RSU1: variants seen among roughly 807,000 people sequenced by gnomAD.
RSU1 encodes the protein rsu-1.
Under a neutral mutation model 31.1 loss-of-function variants are expected in RSU1, and 26 were observed. The ratio of observed to expected loss-of-function variants is 0.84; its 90% CI spans 0.61 to 1.16. The LOEUF (loss-of-function observed/expected upper bound fraction) is 1.16. Ranked by LOEUF, RSU1 falls within the 50% of genes most tolerant of loss-of-function variation. The pLI is 0.00. For synonymous variants in RSU1, 164 were observed against 136.3 expected (o/e 1.20, Z -1.41); for missense variants, 320 against 339.1 (o/e 0.94, Z 0.44).
At chr10:16,609,190 C>A (rs1206641093) in intron 8 of RSU1, among the ~76,000 whole-genome samples, 1 of 152,126 alleles carries the variant, frequency 6.6e-6, no homozygotes, top group Non-Finnish European at 1.5e-5. Flanking sequence ...GTATGGTCTG[C>A]AAGTGCAAAA....
Position 16,734,094 on chromosome 10 carries a change from G to T in RSU1, c.598+18445C>A, listed in dbSNP as rs1836577007. Among the ~76,000 whole-genome samples, 3 of 152,206 alleles carry T rather than the reference G, an allele frequency of 2.0e-5. No individual in the cohort carries two copies. The South Asian group carries it at 6.2e-4, about 32-fold the overall frequency. ...CGGAACACACAAAGTGACAGATTTAGTGTTTCATTGGCAATTTATATAACT... is the reference window on the plus strand; with the variant it reads ...CGGAACACACAAAGTGACAGATTTATTGTTTCATTGGCAATTTATATAACT... On this transcript the variant is annotated intron_variant, in intron 7 of 8. Coordinates refer to ENST00000345264, the MANE Select transcript of RSU1 (RefSeq NM_012425.4).
At chr10:16,722,440 C>G (rs913072332) in intron 7 of RSU1, among the ~76,000 whole-genome samples, 5 of 152,094 alleles carry the variant, frequency 3.3e-5, no homozygotes, top group African/African-American at 1.2e-4. Context: ...GTGTCATCGA[C>G]CTAAGCACAG....
chr10:16,610,308 T>C (rs1307506162), intron 8 of RSU1, among the ~76,000 whole-genome samples: 1 of 152,202 alleles, frequency 6.6e-6, no homozygotes, highest in Non-Finnish European at 1.5e-5. Context: ...ATGGTGGAGT[T>C]GAGCCACCTT....
intron 2 of RSU1, among the ~76,000 whole-genome samples, chr10:16,815,387 T>C (rs565798250): frequency 1.3e-5 from 2 of 152,296 alleles, no homozygotes; most frequent in African/African-American, 4.8e-5. Context: ...TTTCGAACCG[T>C]GAAAACCGTG....
chr10:16,674,433 A>G (rs12780474), intron 8 of RSU1, among the ~76,000 whole-genome samples: 2 of 150,868 alleles, frequency 1.3e-5, no homozygotes, highest in African/African-American at 4.9e-5. Context: ...CTCTAACAGA[A>G]ATGTTTACAC....
rs535835726 is a variant in RSU1, at chr10:16,749,678, G to A, written c.598+2861C>T. On this transcript the variant is annotated intron_variant, in intron 7 of 8. Transcript: ENST00000345264. ...ATGTTTACTGAGGGGAAAGAGACACGGGGACAACGCAACTGGCTTGGAAAG... is the reference window on the plus strand; with the variant it reads ...ATGTTTACTGAGGGGAAAGAGACACAGGGACAACGCAACTGGCTTGGAAAG... 1.4e-4 allele frequency among the ~76,000 whole-genome samples: 22 copies of A among 152,246 alleles called. No individual in the cohort carries two copies. The South Asian group carries it at 4.2e-3, about 29-fold the overall frequency.
chr10:16,740,723 CA>C (rs1836733092), intron 7 of RSU1, among the ~76,000 whole-genome samples: 1 of 152,012 alleles, frequency 6.6e-6, no homozygotes, highest in African/African-American at 2.4e-5. Context: ...ATAATAGCAA[CA>C]AAAGTAATAA....
chr10:16,693,493 A>ATT (rs1835607255), intron 8 of RSU1, among the ~76,000 whole-genome samples: 1 of 151,848 alleles, frequency 6.6e-6, no homozygotes, highest in Admixed American at 6.6e-5. Context: ...AAAAAAAAAG[A>ATT]AAAGAAACTC....
intron 2 of RSU1, among the ~76,000 whole-genome samples, chr10:16,805,601 G>A (rs1838250076): frequency 6.7e-6 from 1 of 149,560 alleles, no homozygotes; most frequent in Non-Finnish European, 1.5e-5. Flanking sequence ...GCGTGAACCC[G>A]GGAGGCGGAG....
intron 7 of RSU1, among the ~76,000 whole-genome samples, chr10:16,698,621 C>A (rs1055416268): frequency 6.6e-6 from 1 of 152,152 alleles, no homozygotes; most frequent in Admixed American, 6.5e-5. Context: ...ATCTGTCAAT[C>A]CCAAGTGATG....
At chr10:16,718,304 C>CA (rs1836184897) in intron 7 of RSU1, among the ~76,000 whole-genome samples, 3 of 151,816 alleles carry the variant, frequency 2.0e-5, no homozygotes, top group Admixed American at 1.3e-4. Context: ...AAATTGACAT[C>CA]AAAAAAGGGT....
At chr10:16,710,433 T>C (rs1333597511) in intron 7 of RSU1, among the ~76,000 whole-genome samples, 6 of 152,196 alleles carry the variant, frequency 3.9e-5, no homozygotes, top group Non-Finnish European at 5.9e-5. Context: ...TTTCTGCATC[T>C]ATGTTCACAT....
At chr10:16,716,357 A>T (rs1836140063) in intron 7 of RSU1, among the ~76,000 whole-genome samples, 1 of 152,182 alleles carries the variant, frequency 6.6e-6, no homozygotes, top group Non-Finnish European at 1.5e-5. Context: ...TATTTTTAAG[A>T]GTAGAAACGT....
At chr10:16,774,845 T>C (rs1303475877) in intron 3 of RSU1, among the ~76,000 whole-genome samples, 1 of 152,142 alleles carries the variant, frequency 6.6e-6, no homozygotes, top group East Asian at 1.9e-4. Context: ...CACAGTGGCC[T>C]GTATTTCTGG....
intron 8 of RSU1, among the ~76,000 whole-genome samples, chr10:16,669,763 C>T (rs1835073420): frequency 6.6e-6 from 1 of 152,118 alleles, no homozygotes; most frequent in South Asian, 2.1e-4. Flanking sequence ...TGATCTCATT[C>T]CTATATTATG....
At chr10:16,684,244 T>G (rs963143370) in intron 8 of RSU1, among the ~76,000 whole-genome samples, 3 of 152,214 alleles carry the variant, frequency 2.0e-5, no homozygotes, top group African/African-American at 7.2e-5. Context: ...TAAACGATTT[T>G]TATTTTCTTC....
intron 5 of RSU1, among the ~76,000 whole-genome samples, chr10:16,753,797 C>G (rs905947467): frequency 6.6e-6 from 1 of 152,082 alleles, no homozygotes; most frequent in African/African-American, 2.4e-5. Flanking sequence ...GAGACAGAGT[C>G]TCGCTCTGTC....
intron 8 of RSU1, among the ~76,000 whole-genome samples, chr10:16,639,118 A>C (rs1256516132): frequency 6.6e-6 from 1 of 152,222 alleles, no homozygotes; most frequent in Admixed American, 6.5e-5. Context: ...GATATCATGT[A>C]AATGGAACTT....
chr10:16,782,109 GGTCA>G, intron 2 of RSU1, 25 bp from the exon 3 acceptor site: 1 of 1,525,312 alleles, frequency 6.6e-7, no homozygotes, highest in Non-Finnish European at 9.0e-7. Flanking sequence ...AAAAAAAAAA[GGTCA>G]GTCAGTAAAT....
Sources: allele counts gnomAD v4.1 joint callset (sites outside exome capture counted in the v4.1 genomes callset), GRCh38; gene constraint gnomAD v4.1.1; transcripts MANE v1.5; gene names NCBI Gene and HGNC (gene_info 2026-07-23, HGNC 2026-07-21).